The following CNIH3 variants were observed in gnomAD, a reference collection of about 807,000 sequenced individuals.
CNIH3 encodes the protein protein cornichon homolog 3.
CNIH3 carries 14 observed loss-of-function variants against 24.1 expected under a neutral mutation model. The ratio of observed to expected loss-of-function variants is 0.58; its 90% confidence interval spans 0.38 to 0.91. CNIH3 has a LOEUF of 0.91. Ranked by LOEUF, CNIH3 falls within the 40% of genes least tolerant of loss-of-function variation. CNIH3 has a pLI of 0.00. For synonymous variants in CNIH3, 68 were observed against 73.8 expected (o/e 0.92, Z 0.40); for missense variants, 178 against 196.8 (o/e 0.90, Z 0.57).
intron 3 of CNIH3, among the ~76,000 whole-genome samples, chr1:224,700,598 A>G (rs1246520956): frequency 6.6e-6 from 1 of 152,200 alleles, no homozygotes; most frequent in Non-Finnish European, 1.5e-5. Context: ...CAAGACTTGG[A>G]TCCTCTTTCA....
intron 1 of CNIH3, among the ~76,000 whole-genome samples, chr1:224,459,881 ATT>A (rs3065475): frequency 3.7e-5 from 5 of 136,126 alleles, no homozygotes; most frequent in African/African-American, 5.5e-5. Context: ...TGGAACCCCT[ATT>A]TTTTTTTTTT....
downstream of CNIH3, chr1:224,537,214 A>G (rs988691586): frequency 1.3e-5 from 2 of 152,222 alleles, no homozygotes; most frequent in Non-Finnish European, 2.9e-5. Flanking sequence ...GTTGAATTTC[A>G]CTTTGGAAAT....
chr1:224,542,445 T>G (rs527665119), downstream of CNIH3, among the ~76,000 whole-genome samples: 1 of 152,282 alleles, frequency 6.6e-6, no homozygotes, highest in Admixed American at 6.5e-5. Flanking sequence ...CCAGTGTGGG[T>G]GTCTGAAGAT....
chr1:224,642,844 T>G (rs1253267006), intron 1 of CNIH3, among the ~76,000 whole-genome samples: 1 of 152,210 alleles, frequency 6.6e-6, no homozygotes, highest in Non-Finnish European at 1.5e-5. Flanking sequence ...ATCGAAAGCA[T>G]GGTCTTATGA....
At chr1:224,498,137 G>A (rs1677509391) in intron 1 of CNIH3, among the ~76,000 whole-genome samples, 1 of 152,146 alleles carries the variant, frequency 6.6e-6, no homozygotes, top group Admixed American at 6.6e-5. Flanking sequence ...GGGCCCATCT[G>A]GCCTCCTCAT....
chr1:224,687,775 A>G (rs1686732901), intron 3 of CNIH3, among the ~76,000 whole-genome samples: 1 of 152,214 alleles, frequency 6.6e-6, no homozygotes, highest in Non-Finnish European at 1.5e-5. Flanking sequence ...AAAGAGCTTA[A>G]TAATTGTATG....
At chr1:224,700,147 C>G (rs542300255) in intron 3 of CNIH3, among the ~76,000 whole-genome samples, 1 of 152,276 alleles carries the variant, frequency 6.6e-6, no homozygotes, top group East Asian at 1.9e-4. Context: ...TGGACTCTCT[C>G]CCCTGTATGG....
In CNIH3 at chr1:224,704,465, T is replaced by C. The variant is rs1046921235; in HGVS notation, c.198+19622T>C. On this transcript the variant is annotated intron_variant, in intron 3 of 5. Transcript: ENST00000272133. This position sits in a 1 kb window ranked among gnomAD's most constrained non-coding sequence, Gnocchi z 4.2. Reference sequence around the variant, plus strand: ...ATCCCCTGAGTCTCATTTAACATTTTATTTTGAAAAATGTCAAATATAAGG... The same window carrying C: ...ATCCCCTGAGTCTCATTTAACATTTCATTTTGAAAAATGTCAAATATAAGG... 8.5e-5 allele frequency among the ~76,000 whole-genome samples: 13 copies of C among 152,306 alleles called. No individual in the cohort carries two copies. Among genetic ancestry groups the C allele is most frequent in the Admixed American group, 7.2e-4 (11 of 15,306 alleles).
chr1:224,468,775 T>G (rs1037928733), intron 1 of CNIH3, among the ~76,000 whole-genome samples: 18 of 150,242 alleles, frequency 1.2e-4, no homozygotes, highest in Non-Finnish European at 2.2e-4. Flanking sequence ...ACTATGATCA[T>G]GCCACTGCCA....
intron 1 of CNIH3, among the ~76,000 whole-genome samples, chr1:224,510,861 C>T (rs1418626121): frequency 6.6e-6 from 1 of 152,260 alleles, no homozygotes; most frequent in East Asian, 1.9e-4. Flanking sequence ...AACAGGTTGT[C>T]CCCTTCCTCC....
chr1:224,473,960 A>G (rs1175470517), intron 1 of CNIH3, among the ~76,000 whole-genome samples: 1 of 152,240 alleles, frequency 6.6e-6, no homozygotes, highest in Non-Finnish European at 1.5e-5. Context: ...TCTGACCACA[A>G]TAAAATAAAA....
chr1:224,554,537 A>G (rs556601260), intron 3 of CNIH3, among the ~76,000 whole-genome samples: 1 of 151,810 alleles, frequency 6.6e-6, no homozygotes, highest in Non-Finnish European at 1.5e-5. Flanking sequence ...TCCCTAAACA[A>G]TATAGTATTA....
intron 1 of CNIH3, among the ~76,000 whole-genome samples, chr1:224,624,454 G>A (rs1395312265): frequency 6.6e-6 from 1 of 152,138 alleles, no homozygotes; most frequent in Admixed American, 6.5e-5. Flanking sequence ...TCCCAGCCGA[G>A]CTTGTCTTCA....
intron 1 of CNIH3, among the ~76,000 whole-genome samples, chr1:224,673,387 C>G (rs905581785): frequency 2.4e-4 from 36 of 152,212 alleles, no homozygotes; most frequent in African/African-American, 7.5e-4. Flanking sequence ...TCCCCTCCCC[C>G]TGCTGTCTGT....
chr1:224,692,179 G>T (rs1262624549), intron 3 of CNIH3, among the ~76,000 whole-genome samples: 1 of 152,136 alleles, frequency 6.6e-6, no homozygotes, highest in Non-Finnish European at 1.5e-5. Flanking sequence ...GTGCACATCT[G>T]TAGTCCCAGC....
chr1:224,620,739 C>T (rs1644808824), intron 1 of CNIH3, among the ~76,000 whole-genome samples: 1 of 152,108 alleles, frequency 6.6e-6, no homozygotes, highest in African/African-American at 2.4e-5. Flanking sequence ...GTGGCTCATG[C>T]TCGTAATCCC....
chr1:224,450,024 G>A (rs200850370), intron 1 of CNIH3, among the ~76,000 whole-genome samples: 12 of 149,696 alleles, frequency 8.0e-5, no homozygotes, highest in South Asian at 2.1e-4. Context: ...ACACACACAC[G>A]CACACACATA....
intron 1 of CNIH3, among the ~76,000 whole-genome samples, chr1:224,652,603 GT>G (rs1303782021): frequency 2.0e-5 from 3 of 152,160 alleles, no homozygotes; most frequent in African/African-American, 7.2e-5. Flanking sequence ...CCTGATAGGT[GT>G]TCCAGGTATG....
At chr1:224,645,851 A>G (rs1368295283) in intron 1 of CNIH3, among the ~76,000 whole-genome samples, 3 of 152,226 alleles carry the variant, frequency 2.0e-5, no homozygotes, top group African/African-American at 7.2e-5. Context: ...GGAATTAATA[A>G]GGACCAAATG....
Sources: allele counts gnomAD v4.1 joint callset (sites outside exome capture counted in the v4.1 genomes callset), GRCh38; gene constraint gnomAD v4.1.1; non-coding constraint Gnocchi (gnomAD v3.1); transcripts MANE v1.5; gene names NCBI Gene and HGNC (gene_info 2026-07-23, HGNC 2026-07-21).